TAFA5: variants seen among roughly 807,000 people sequenced by gnomAD.
TAFA5 encodes the protein TAFA chemokine like family member 5, also known as chemokine-like protein TAFA-5.
Under a neutral mutation model 15.3 loss-of-function variants are expected in TAFA5, and 6 were observed. That is an observed-to-expected ratio of 0.39 (90% CI 0.21 to 0.77). The LOEUF (loss-of-function observed/expected upper bound fraction) is 0.77, where lower values mean the gene tolerates loss of function less well. TAFA5 is among the 30% of genes least tolerant of loss of function. The pLI is 0.41. For synonymous variants in TAFA5, 103 were observed against 80.7 expected, an observed-to-expected ratio of 1.28 and a Z score of -1.48; for missense variants, 161 against 193.1, an observed-to-expected ratio of 0.83 and a Z score of 0.98.
intron 1 of TAFA5, among the ~76,000 whole-genome samples, chr22:48,520,359 T>C (rs1352118264): frequency 6.6e-6 from 1 of 152,254 alleles, no homozygotes; most frequent in Non-Finnish European, 1.5e-5. Context: ...GGGCATGTGT[T>C]GGCTGCTTCC....
rs183281903 is a variant in TAFA5 at position 48,720,929 on chromosome 22, T to C, written c.390+13085T>C. On this transcript the variant is annotated intron_variant, in intron 3 of 3. Transcript: ENST00000402357. ...GGGTGGATCCCAGAATAGGCACTTCTTGTTCCTGCCTCAGGCCCCCTCATG... is the reference window on the plus strand; with the variant it reads ...GGGTGGATCCCAGAATAGGCACTTCCTGTTCCTGCCTCAGGCCCCCTCATG... Among the ~76,000 whole-genome samples, 8 of 152,264 alleles carry C rather than the reference T, an allele frequency of 5.3e-5. No individual in the cohort carries two copies. The East Asian group carries it at 1.6e-3, about 30-fold the overall frequency.
chr22:48,617,761 C>T (rs990446531), intron 1 of TAFA5, among the ~76,000 whole-genome samples: 25 of 152,300 alleles, frequency 1.6e-4, no homozygotes, highest in Admixed American at 3.3e-4. Flanking sequence ...TGCGGTGACA[C>T]GACCACATGC....
chr22:48,685,567 C>T (rs891565382), intron 2 of TAFA5, among the ~76,000 whole-genome samples: 2 of 152,114 alleles, frequency 1.3e-5, no homozygotes, highest in Non-Finnish European at 2.9e-5. Context: ...GTCTTATGAT[C>T]TCTCTTTTAA....
At chr22:48,548,171 C>G (rs531620817) in intron 1 of TAFA5, among the ~76,000 whole-genome samples, 1 of 152,310 alleles carries the variant, frequency 6.6e-6, no homozygotes, top group African/African-American at 2.4e-5. Flanking sequence ...GGGGCTTTGT[C>G]CAGTTTCTCT....
chr22:48,708,031 G>C (rs1274216714), intron 3 of TAFA5, among the ~76,000 whole-genome samples, 187 bp downstream of exon 3: 1 of 151,910 alleles, frequency 6.6e-6, no homozygotes, highest in East Asian at 1.9e-4. Context: ...ATCTGTCCTG[G>C]GGCAGACGGT....
chr22:48,556,562 G>A (rs1923046632), intron 1 of TAFA5, among the ~76,000 whole-genome samples: 1 of 152,246 alleles, frequency 6.6e-6, no homozygotes, highest in Non-Finnish European at 1.5e-5. Flanking sequence ...ATTTTTGAAA[G>A]GAAAGTGGGG....
intron 2 of TAFA5, among the ~76,000 whole-genome samples, chr22:48,676,424 C>T (rs1222733092): frequency 1.3e-5 from 2 of 152,178 alleles, no homozygotes; most frequent in African/African-American, 2.4e-5. Flanking sequence ...TGGAGGGAGG[C>T]GGGCCTCATC....
intron 1 of TAFA5, among the ~76,000 whole-genome samples, chr22:48,522,200 C>G (rs1327538771): frequency 6.6e-6 from 1 of 151,816 alleles, no homozygotes; most frequent in Non-Finnish European, 1.5e-5. Flanking sequence ...CTGGAACCTC[C>G]TCCCACCCCT....
chr22:48,616,148 C>T (rs568100275), intron 1 of TAFA5, among the ~76,000 whole-genome samples: 4 of 152,046 alleles, frequency 2.6e-5, no homozygotes, highest in East Asian at 1.9e-4. Context: ...TCACCAGCCC[C>T]GGGGCTGCTC....
At chr22:48,545,727 A>T (rs1235563737) in intron 1 of TAFA5, 1 of 152,192 alleles carries the variant, frequency 6.6e-6, no homozygotes, top group Non-Finnish European at 1.5e-5. Flanking sequence ...GGAGAGAGGG[A>T]GGGGAAATTG....
intron 2 of TAFA5, among the ~76,000 whole-genome samples, chr22:48,686,810 G>T (rs1389356760): frequency 1.3e-5 from 2 of 151,530 alleles, no homozygotes; most frequent in African/African-American, 4.9e-5. Flanking sequence ...TGGATGGATG[G>T]ATTGGAGGAA....
chr22:48,708,987 G>A (rs1433193493), intron 3 of TAFA5, among the ~76,000 whole-genome samples: 1 of 152,178 alleles, frequency 6.6e-6, no homozygotes, highest in Admixed American at 6.5e-5. Context: ...CGTAATTCGG[G>A]GCTCTCAGGG....
At chr22:48,624,054 G>T (rs1408328701) in intron 1 of TAFA5, among the ~76,000 whole-genome samples, 6 of 152,158 alleles carry the variant, frequency 3.9e-5, no homozygotes, top group Non-Finnish European at 8.8e-5. Flanking sequence ...ATTATTAGTT[G>T]TCACGTCTCC....
chr22:48,631,164 C>T (rs1348742446), intron 1 of TAFA5, among the ~76,000 whole-genome samples: 3 of 152,230 alleles, frequency 2.0e-5, no homozygotes, highest in African/African-American at 7.2e-5. Flanking sequence ...CTGGGATGAC[C>T]TGCCATCTGC....
chr22:48,561,693 G>T (rs895698933), intron 1 of TAFA5, among the ~76,000 whole-genome samples: 5 of 152,318 alleles, frequency 3.3e-5, no homozygotes, highest in African/African-American at 1.2e-4. Context: ...ATGCCCATTG[G>T]GGGTCATGGG....
At chr22:48,506,825 C>A (rs1921009726) in intron 1 of TAFA5, among the ~76,000 whole-genome samples, 1 of 152,200 alleles carries the variant, frequency 6.6e-6, no homozygotes, top group South Asian at 2.1e-4. Flanking sequence ...CCACACAGAC[C>A]TAGGATGACA....
chr22:48,536,671 C>CG (rs1306573493), intron 1 of TAFA5, among the ~76,000 whole-genome samples: 1 of 152,264 alleles, frequency 6.6e-6, no homozygotes, highest in African/African-American at 2.4e-5. Context: ...TCTTCATCTG[C>CG]GGCCAAGGCT....
chr22:48,623,852 C>T (rs950149065), intron 1 of TAFA5, among the ~76,000 whole-genome samples: 3 of 152,222 alleles, frequency 2.0e-5, no homozygotes, highest in Non-Finnish European at 4.4e-5. Flanking sequence ...CAGTTCAGAA[C>T]GTTCCCATAT....
At chr22:48,589,549 CAG>C (rs1481916353) in intron 1 of TAFA5, among the ~76,000 whole-genome samples, 1 of 152,038 alleles carries the variant, frequency 6.6e-6, no homozygotes, top group African/African-American at 2.4e-5. Context: ...TCCCCAAAGA[CAG>C]AGCCACCTGG....
Sources: gnomAD v4.1 joint callset for allele counts (sites outside exome capture counted in the v4.1 genomes callset) on GRCh38, gnomAD v4.1.1 for gene constraint, MANE v1.5 for transcripts, NCBI Gene and HGNC (gene_info 2026-07-23, HGNC 2026-07-21) for gene names.